Variants in PCDHA9 observed in about 807,000 individuals in gnomAD.
PCDHA9 encodes the protein protocadherin alpha 9.
Under a neutral mutation model 62.0 loss-of-function variants are expected in PCDHA9, and 62 were observed. The ratio of observed to expected loss-of-function variants is 1.00; its 90% confidence interval spans 0.81 to 1.23. PCDHA9 has a LOEUF of 1.23. Ranked by LOEUF, PCDHA9 falls within the 50% of genes most tolerant of loss-of-function variation. The probability of loss-of-function intolerance (pLI) is 0.00; values close to 1 mark genes in which losing one functional copy is unlikely to be tolerated. For missense variants in PCDHA9, 1,205 were observed against 1,249.8 expected, an observed-to-expected ratio of 0.96 and a Z score of 0.54; for synonymous variants, 557 against 567.6, an observed-to-expected ratio of 0.98 and a Z score of 0.27.
chr5:140,963,529 C>T (rs1332936829), intron 1 of PCDHA9, among the ~76,000 whole-genome samples: 1 of 152,176 alleles, frequency 6.6e-6, no homozygotes, highest in Non-Finnish European at 1.5e-5. Flanking sequence ...ACAGAAGTCC[C>T]ATTTACTTCA....
At chr5:140,963,631 G>A (rs1168776991) in intron 1 of PCDHA9, among the ~76,000 whole-genome samples, 2 of 152,144 alleles carry the variant, frequency 1.3e-5, no homozygotes, top group African/African-American at 2.4e-5. Flanking sequence ...TGTTGCATAC[G>A]CATCTTCCCT....
intron 1 of PCDHA9, among the ~76,000 whole-genome samples, chr5:140,955,285 G>T (rs2095164466): frequency 6.6e-6 from 1 of 151,896 alleles, no homozygotes; most frequent in Non-Finnish European, 1.5e-5. Context: ...ATATTGATAT[G>T]GTTTGGCTGT....
At chr5:140,935,232 A>G (rs2090253350) in intron 1 of PCDHA9, among the ~76,000 whole-genome samples, 1 of 152,110 alleles carries the variant, frequency 6.6e-6, no homozygotes, top group African/African-American at 2.4e-5. Context: ...AGGGATGTCT[A>G]TTTTTTAAAA....
chr5:140,869,309 A>T, intron 1 of PCDHA9: 1 of 1,613,682 alleles, frequency 6.2e-7, no homozygotes, highest in Non-Finnish European at 8.5e-7. Context: ...GTGGCGTCCA[A>T]AACACATGGG....
chr5:140,866,796 G>T (rs1360079320), intron 1 of PCDHA9: 1 of 152,128 alleles, frequency 6.6e-6, no homozygotes, highest in African/African-American at 2.4e-5. Flanking sequence ...TATAGTAAAA[G>T]TCAGGCACAA....
At chr5:140,883,387 T>C in intron 1 of PCDHA9, 1 of 1,614,150 alleles carries the variant, frequency 6.2e-7, no homozygotes, top group Non-Finnish European at 8.5e-7. Flanking sequence ...CCCTAATCAG[T>C]GTGTCCGATC....
At chr5:141,007,395 CAAAAAAAAAAAA>C (rs35800918) in intron 3 of PCDHA9, among the ~76,000 whole-genome samples, 1 of 94,866 alleles carries the variant, frequency 1.1e-5, no homozygotes, top group Non-Finnish European at 2.1e-5. Flanking sequence ...TACTAAAATA[CAAAAAAAAAAAA>C]AAAAAAAAAA....
At chr5:140,985,729 T>C (rs1314785007) in intron 3 of PCDHA9, among the ~76,000 whole-genome samples, 2 of 149,858 alleles carry the variant, frequency 1.3e-5, no homozygotes, top group Non-Finnish European at 3.0e-5. Flanking sequence ...TTTCCTTCAC[T>C]GATGAATTCC....
At chr5:140,936,080 A>C (rs1252008478) in intron 1 of PCDHA9, among the ~76,000 whole-genome samples, 2 of 152,004 alleles carry the variant, frequency 1.3e-5, no homozygotes, top group African/African-American at 4.8e-5. Flanking sequence ...TTTAGTAGAG[A>C]CAGGGTTTCA....
chr5:140,980,265 A>G (rs1041506600), intron 2 of PCDHA9, among the ~76,000 whole-genome samples: 1 of 152,258 alleles, frequency 6.6e-6, no homozygotes, highest in Non-Finnish European at 1.5e-5. Flanking sequence ...CATGGTTTAC[A>G]GTACCAACTC....
At chr5:140,921,287 A>C (rs1563045357) in intron 1 of PCDHA9, among the ~76,000 whole-genome samples, 1 of 152,210 alleles carries the variant, frequency 6.6e-6, no homozygotes. Flanking sequence ...AAAAAACCTC[A>C]AATTTGCTGA....
rs1437399739 is a variant in PCDHA9, at chr5:140,853,000, TC to T, written c.2394+2114del. 9.7e-6 allele frequency: 3 copies of T among 308,008 alleles called. No homozygotes were observed. The East Asian group carries it at 5.1e-4, about 53-fold the overall frequency. 19.1% of individuals were successfully genotyped at this position (308,008 alleles called of 1,614,324 possible). ...TTCACGCCATTCTCCTGCCTCAGCC[TC>T]CCGAGTAGCTGGGACTACAGGCGCC... On this transcript the variant is annotated intron_variant, in intron 1 of 3. Transcript: ENST00000532602.
chr5:140,967,608 C>T, intron 1 of PCDHA9: 1 of 1,614,160 alleles, frequency 6.2e-7, no homozygotes, highest in Non-Finnish European at 8.5e-7. Flanking sequence ...AAGCTGAATG[C>T]CTCAGACCCG....
At chr5:140,956,717 A>C (rs2153710827) in intron 1 of PCDHA9, among the ~76,000 whole-genome samples, 1 of 152,308 alleles carries the variant, frequency 6.6e-6, no homozygotes. Flanking sequence ...CTTCAGAAGA[A>C]TTGGTACCAG....
intron 1 of PCDHA9, among the ~76,000 whole-genome samples, chr5:140,946,634 A>ATAT (rs1554217761): frequency 1.4e-5 from 2 of 147,350 alleles, no homozygotes; most frequent in Non-Finnish European, 3.0e-5. Context: ...ATATATATAC[A>ATAT]ATGGAATACT....
At chr5:140,978,694 G>A (rs1184051557) in intron 1 of PCDHA9, among the ~76,000 whole-genome samples, 1 of 152,258 alleles carries the variant, frequency 6.6e-6, no homozygotes, top group African/African-American at 2.4e-5. Context: ...GCAAGGCAAA[G>A]CCAAAGGTGG....
rs1554262437 is a variant in PCDHA9, at chr5:141,009,799, C to T, written c.2715C>T (p.Asn905=). 1 of 1,614,104 alleles carries T rather than the reference C, an allele frequency of 6.2e-7. No individual in the cohort carries two copies. Residue 905 remains asparagine (N), a synonymous_variant, in exon 4 of 4, where the codon AAC becomes AAT. Coordinates refer to ENST00000532602, the MANE Select transcript of PCDHA9 (RefSeq NM_031857.2). ...AIISIRQEPT[N]SQIDKSDFIT... is the part of the protein sequence containing the mutation. ...TCTCCATCCGGCAGGAGCCTACTAACAGCCAAATTGACAAAAGTGACTTCA... is the reference window on the plus strand; with the variant it reads ...TCTCCATCCGGCAGGAGCCTACTAATAGCCAAATTGACAAAAGTGACTTCA...
chr5:140,891,241 G>A (rs2153433469), intron 1 of PCDHA9, among the ~76,000 whole-genome samples: 1 of 152,200 alleles, frequency 6.6e-6, no homozygotes, highest in Middle Eastern at 3.4e-3. Flanking sequence ...TCTGGATTCA[G>A]TAGGATTTTT....
chr5:140,883,508 G>A (rs939760233), intron 1 of PCDHA9: 1 of 1,614,202 alleles, frequency 6.2e-7, no homozygotes, highest in East Asian at 2.2e-5. Flanking sequence ...CAGCGCCCTG[G>A]ACCGCGAGAG....
Sources: gnomAD v4.1 joint callset for allele counts (sites outside exome capture counted in the v4.1 genomes callset) on GRCh38, gnomAD v4.1.1 for gene constraint, MANE v1.5 for transcripts, NCBI Gene and HGNC (gene_info 2026-07-23, HGNC 2026-07-21) for gene names.